The following QPRT variants were observed in gnomAD, a reference collection of about 807,000 sequenced individuals.
QPRT encodes quinolinate phosphoribosyltransferase.
Under a neutral mutation model 19.8 loss-of-function variants are expected in QPRT, and 17 were observed. That is an observed-to-expected ratio of 0.86 (90% CI 0.59 to 1.29). QPRT has a LOEUF of 1.29. Ranked by LOEUF, QPRT falls within the 50% of genes most tolerant of loss-of-function variation. The probability of loss-of-function intolerance (pLI) is 0.00; values close to 1 mark genes in which losing one functional copy is unlikely to be tolerated. For synonymous variants in QPRT, 178 were observed against 191.0 expected (o/e 0.93, Z 0.56); for missense variants, 336 against 405.1 (o/e 0.83, Z 1.46).
rs762852677 is a variant in QPRT at position 29,695,056 on chromosome 16, G to C, written c.406G>C (p.Gly136Arg). Residue 136 changes from glycine (G) to arginine (R), a missense_variant, in exon 2 of 4, where the codon GGC (glycine) becomes CGC (arginine). Transcript: ENST00000395384. ...GGCCGGCTGGACTGGGCACGTGGCA[G>C]GCACGAGGAAGACCACGCCAGGCTT... ...RGAGWTGHVA[G>R]TRKTTPGFRL... is the part of the protein sequence containing the mutation. 5 of 1,605,698 alleles carry C rather than the reference G, an allele frequency of 3.1e-6. No individual in the cohort carries two copies. Among genetic ancestry groups the C allele is most frequent in the Non-Finnish European group, 4.2e-6 (5 of 1,179,166 alleles).
At chr16:29,695,439 G>A (rs560994707) in intron 2 of QPRT, among the ~76,000 whole-genome samples, 1 of 150,216 alleles carries the variant, frequency 6.7e-6, no homozygotes, top group African/African-American at 2.4e-5. Context: ...AGTCTCTCCA[G>A]TAGCTGGATA....
At chr16:29,684,651 C>T (rs947142123) in intron 1 of QPRT, among the ~76,000 whole-genome samples, 1 of 152,120 alleles carries the variant, frequency 6.6e-6, no homozygotes, top group Non-Finnish European at 1.5e-5. Flanking sequence ...CTGGCCACGG[C>T]AGCATCTCTT....
intron 1 of QPRT, among the ~76,000 whole-genome samples, chr16:29,681,147 T>G (rs186593299): frequency 5.5e-4 from 84 of 151,828 alleles, no homozygotes; most frequent in Non-Finnish European, 1.1e-3. Flanking sequence ...ATTGTGTCTT[T>G]CTCTTTTGAA....
chr16:29,695,954 T>C (rs993863500), intron 2 of QPRT: 1 of 152,380 alleles, frequency 6.6e-6, no homozygotes, highest in South Asian at 2.1e-4. Flanking sequence ...TTCTTTATCT[T>C]TGTTCTGCTG....
Position 29,697,727 on chromosome 16 carries a change from T to G in QPRT, c.*316T>G. The stretch of plus-strand genomic sequence containing the variant: ...ACAGCCGGGCACGATGGCTCACACC[T>G]GTAATCCCAGCACTTTGGGAGGCTG... On this transcript the variant is annotated 3_prime_UTR_variant, in exon 4 of 4. Coordinates refer to ENST00000395384, the MANE Select transcript of QPRT (RefSeq NM_014298.6). This position sits in a 1 kb window ranked among gnomAD's most constrained non-coding sequence, Gnocchi z 4.4. 7.3e-6 allele frequency: 2 copies of G among 275,480 alleles called. No individual in the cohort carries two copies. The highest frequency in any genetic ancestry group is 1.4e-4 in the South Asian group (2 of 14,436). The allele number at this position is 275,480 out of a possible 1,614,324, so 17.1% of individuals were successfully genotyped here.
chr16:29,681,746 T>G (rs982398345), intron 1 of QPRT, among the ~76,000 whole-genome samples: 1 of 142,928 alleles, frequency 7.0e-6, no homozygotes, highest in African/African-American at 2.6e-5. Context: ...TTTTTCGAGA[T>G]GGAGTCTGAC....
At chr16:29,692,565 C>CA (rs59259546) in intron 1 of QPRT, among the ~76,000 whole-genome samples, 5,538 of 111,366 alleles carry the variant, frequency 0.05, 300 homozygotes, top group African/African-American at 0.15. Context: ...AGACTATCTC[C>CA]AAAAAAAAAA....
At chr16:29,685,947 A>C (rs1230634363) in intron 1 of QPRT, among the ~76,000 whole-genome samples, 1 of 151,876 alleles carries the variant, frequency 6.6e-6, no homozygotes, top group Non-Finnish European at 1.5e-5. Context: ...GGCAACCTCC[A>C]CCTCCCGGGT....
intron 1 of QPRT, among the ~76,000 whole-genome samples, chr16:29,683,979 C>T (rs954790803): frequency 2.0e-5 from 3 of 152,182 alleles, no homozygotes; most frequent in African/African-American, 7.2e-5. Context: ...GCACAGGCCT[C>T]ACAGTTGCTA....
intron 1 of QPRT, among the ~76,000 whole-genome samples, chr16:29,688,225 G>A (rs768815568): frequency 1.6e-4 from 25 of 152,062 alleles, no homozygotes; most frequent in Non-Finnish European, 3.5e-4. Context: ...GGGGTTGGGG[G>A]TATTCTGACA....
intron 1 of QPRT, 72 bp from the exon 2 acceptor site, chr16:29,694,592 A>T: frequency 7.1e-7 from 1 of 1,409,892 alleles, no homozygotes; most frequent in Non-Finnish European, 9.4e-7. Context: ...ACTGGTTGTT[A>T]AATATTTTGA....
chr16:29,690,068 C>T (rs990959860), intron 1 of QPRT, among the ~76,000 whole-genome samples: 3 of 152,194 alleles, frequency 2.0e-5, no homozygotes, highest in African/African-American at 7.2e-5. Flanking sequence ...TGTTATTCCC[C>T]TCTATGTGTC....
At chr16:29,683,116 C>T (rs1326337593) in intron 1 of QPRT, among the ~76,000 whole-genome samples, 1 of 151,698 alleles carries the variant, frequency 6.6e-6, no homozygotes, top group Non-Finnish European at 1.5e-5. Context: ...CCTCCGCCTC[C>T]CAGATTCAAG....
At chr16:29,688,319 A>G (rs1967221178) in intron 1 of QPRT, among the ~76,000 whole-genome samples, 1 of 152,082 alleles carries the variant, frequency 6.6e-6, no homozygotes, top group Non-Finnish European at 1.5e-5. Context: ...GAGGACCCCC[A>G]TCAGGGATCG....
chr16:29,682,965 G>T (rs1041137451), intron 1 of QPRT, among the ~76,000 whole-genome samples: 1 of 151,132 alleles, frequency 6.6e-6, no homozygotes, highest in Non-Finnish European at 1.5e-5. Flanking sequence ...TATTGCACAG[G>T]CTGGTCTCAA....
In QPRT at chr16:29,695,139, C is replaced by G; in HGVS notation, c.489C>G (p.Asp163Glu). The G allele has an allele frequency of 6.3e-7, 1 of 1,582,248 alleles. No homozygotes were observed. Among genetic ancestry groups the G allele is most frequent in the Non-Finnish European group, 8.6e-7 (1 of 1,165,030 alleles). Residue 163 changes from aspartate (D) to glutamate (E), a missense_variant, in exon 2 of 4, where the codon GAC becomes GAG. Transcript: ENST00000395384. ...LVGGAASHRY[D>E]LGGLVMVKDN... The stretch of plus-strand genomic sequence containing the variant: ...GCGGGGCCGCCTCGCACCGCTACGA[C>G]CTGGGAGGGCTGGTGATGGTGAAGG...
chr16:29,682,688 T>C lies in QPRT; in HGVS notation c.13+3478T>C, dbSNP rs1967044903. On this transcript the variant is annotated intron_variant, in intron 1 of 3. Transcript: ENST00000395384. ...AGTCACTGCGCCCAGCCTCATCATGTTTTTTTCTTAAAAGATAAAGACTTT... is the reference window on the plus strand; with the variant it reads ...AGTCACTGCGCCCAGCCTCATCATGCTTTTTTCTTAAAAGATAAAGACTTT... 2.6e-5 allele frequency among the ~76,000 whole-genome samples: 4 copies of C among 152,210 alleles called. No individual in the cohort carries two copies. The South Asian group carries it at 8.3e-4, about 32-fold the overall frequency.
chr16:29,686,510 T>A (rs1303123504), intron 1 of QPRT, among the ~76,000 whole-genome samples: 1 of 152,210 alleles, frequency 6.6e-6, no homozygotes, highest in Non-Finnish European at 1.5e-5. Context: ...TTGTTTTTTG[T>A]TTTTGAGACG....
At chr16:29,679,724 A>C (rs1239057592) in intron 1 of QPRT, among the ~76,000 whole-genome samples, 3 of 152,138 alleles carry the variant, frequency 2.0e-5, no homozygotes, top group Admixed American at 2.0e-4. Context: ...CAAAGGAATG[A>C]GAAAAGACAA....
Sources: gnomAD v4.1 joint callset for allele counts (sites outside exome capture counted in the v4.1 genomes callset) on GRCh38, gnomAD v4.1.1 for gene constraint, Gnocchi (gnomAD v3.1) non-coding constraint, MANE v1.5 for transcripts, NCBI Gene and HGNC (gene_info 2026-07-23, HGNC 2026-07-21) for gene names.